The following TSEN2 variants were observed in gnomAD, a reference collection of about 807,000 sequenced individuals.
TSEN2 encodes tRNA-splicing endonuclease subunit Sen2.
In TSEN2, 54 loss-of-function variants were observed where a neutral mutation model predicts 59.2. The ratio of observed to expected loss-of-function variants is 0.91; its 90% confidence interval spans 0.73 to 1.14. The LOEUF (loss-of-function observed/expected upper bound fraction) is 1.14. TSEN2 is among the 50% of genes most tolerant of loss of function. The probability of loss-of-function intolerance (pLI) is 0.00; values close to 1 mark genes in which losing one functional copy is unlikely to be tolerated. For missense variants in TSEN2, 636 were observed against 576.2 expected (o/e 1.10, Z -1.06); for synonymous variants, 195 against 198.2 (o/e 0.98, Z 0.14).
chr3:12,533,959 G>A (rs953319159), downstream of TSEN2, among the ~76,000 whole-genome samples: 2 of 152,216 alleles, frequency 1.3e-5, no homozygotes, highest in Admixed American at 1.3e-4. Flanking sequence ...TGTGAATTCA[G>A]GAGGAGGGAC....
chr3:12,492,242 C>T lies in TSEN2; in HGVS notation c.271+25C>T, dbSNP rs780028591. On this transcript the variant is annotated intron_variant, in intron 3 of 11. Transcript: ENST00000284995. The stretch of plus-strand genomic sequence containing the variant: ...GGTAAAGTTGTTGTATCATTCAGTT[C>T]TTTTGACAAATTAATCATTTTCCTT... 4 of 1,574,206 alleles carry T rather than the reference C, an allele frequency of 2.5e-6. No homozygotes were observed. The African/African-American group carries it at 5.4e-5, about 21-fold the overall frequency.
chr3:12,516,239 A>C (rs537676800), intron 6 of TSEN2, among the ~76,000 whole-genome samples: 1 of 151,948 alleles, frequency 6.6e-6, no homozygotes, highest in Non-Finnish European at 1.5e-5. Context: ...CCTGGCTAAC[A>C]CTGTGAAACC....
In TSEN2 at chr3:12,506,977, G is replaced by A. The variant is rs955886859; in HGVS notation, c.909+1746G>A. ...TGGGAGGCCGAGGCGGGTGGATCAC[G>A]AGGTCAGGAGATCGAGACCATCCTG... On this transcript the variant is annotated intron_variant, in intron 6 of 11. Transcript: ENST00000284995. 1.4e-5 allele frequency: 6 copies of A among 438,218 alleles called. No homozygotes were observed. The Admixed American group carries it at 1.9e-4, about 14-fold the overall frequency. 27.1% of individuals were successfully genotyped at this position (438,218 alleles called of 1,614,324 possible).
At chr3:12,509,192 G>GTTTT (rs201280063) in intron 6 of TSEN2, among the ~76,000 whole-genome samples, 5 of 136,544 alleles carry the variant, frequency 3.7e-5, no homozygotes, top group South Asian at 2.2e-4. Context: ...GTTTTTTTTG[G>GTTTT]TTTTTTTTGT....
At chr3:12,506,961 G>A (rs953904745) in intron 6 of TSEN2, 54 of 599,138 alleles carry the variant, frequency 9.0e-5, no homozygotes, top group Non-Finnish European at 1.0e-4. Context: ...TTGGGAGGCC[G>A]AGGCGGGTGG....
intron 7 of TSEN2, among the ~76,000 whole-genome samples, chr3:12,518,272 T>C (rs1189770689): frequency 6.6e-6 from 1 of 152,238 alleles, no homozygotes; most frequent in African/African-American, 2.4e-5. Context: ...TTTGTTTGTT[T>C]GTTTTTAAGT....
chr3:12,515,183 A>T (rs2055932051), intron 6 of TSEN2, among the ~76,000 whole-genome samples: 1 of 152,222 alleles, frequency 6.6e-6, no homozygotes, highest in Non-Finnish European at 1.5e-5. Context: ...AGAGAATGAC[A>T]GGGTATTCAC....
intron 8 of TSEN2, among the ~76,000 whole-genome samples, chr3:12,521,412 A>T (rs1296548801): frequency 6.6e-6 from 1 of 152,206 alleles, no homozygotes; most frequent in Admixed American, 6.5e-5. Context: ...GGTCAACTGT[A>T]GTCAAAAAGA....
At chr3:12,492,480 C>A (rs1157656967) in intron 3 of TSEN2, among the ~76,000 whole-genome samples, 3 of 152,210 alleles carry the variant, frequency 2.0e-5, no homozygotes, top group African/African-American at 7.2e-5. Context: ...ATGCCTATGG[C>A]AGGTACTGGT....
At chr3:12,519,612 A>G (rs2633441) in intron 8 of TSEN2, among the ~76,000 whole-genome samples, 82,368 of 151,900 alleles carry the variant, frequency 0.54, 23,985 homozygotes, top group African/African-American at 0.75. Context: ...TGGGCGTGGT[A>G]GCGGGTGTCT....
At chr3:12,535,043 T>G (rs550996610), downstream of TSEN2, among the ~76,000 whole-genome samples, 1 of 152,270 alleles carries the variant, frequency 6.6e-6, no homozygotes, top group East Asian at 1.9e-4. Flanking sequence ...TTAAAAAAAT[T>G]TGTCTTAATC....
intron 8 of TSEN2, among the ~76,000 whole-genome samples, chr3:12,519,439 C>T (rs2056434119): frequency 6.6e-6 from 1 of 152,172 alleles, no homozygotes; most frequent in African/African-American, 2.4e-5. Context: ...CTCTTGTTTG[C>T]TCTATGATCT....
At chr3:12,526,736 TC>T (rs1382644153) in intron 8 of TSEN2, among the ~76,000 whole-genome samples, 12 of 152,224 alleles carry the variant, frequency 7.9e-5, no homozygotes, top group Admixed American at 7.9e-4. Context: ...TAAAGAGTTG[TC>T]CCATGGTCTT....
At chr3:12,500,236 G>C (rs2054162354) in intron 4 of TSEN2, among the ~76,000 whole-genome samples, 1 of 152,232 alleles carries the variant, frequency 6.6e-6, no homozygotes, top group Non-Finnish European at 1.5e-5. Flanking sequence ...TTTTTAAGGT[G>C]TTGCCAGCCA....
chr3:12,515,390 C>G (rs2055958541), intron 6 of TSEN2, among the ~76,000 whole-genome samples: 1 of 152,196 alleles, frequency 6.6e-6, no homozygotes, highest in South Asian at 2.1e-4. Context: ...AAGAGGGGCC[C>G]TCCTCGTCTG....
At chr3:12,481,897 A>ATGTGTGTGTG (rs151178256), upstream of TSEN2, among the ~76,000 whole-genome samples, 2,452 of 150,088 alleles carry the variant, frequency 0.016, 42 homozygotes, top group African/African-American at 0.044. Context: ...CAGTTGATAT[A>ATGTGTGTGTG]TGTGTGTGTG....
rs2052394075 is a variant in TSEN2, at chr3:12,484,592, C to T, written c.-306C>T. 2 of 152,364 alleles carry T rather than the reference C, an allele frequency of 1.3e-5. No homozygotes were observed. The highest frequency in any genetic ancestry group is 2.9e-5 in the Non-Finnish European group (2 of 68,132). 9.4% of individuals were successfully genotyped at this position (152,364 alleles called of 1,614,324 possible). ...TGCAGCGAAAGGAAATCTCGCTCTT[C>T]CGAAAGTCCTCCAGGGCGAGAGAGG... On this transcript the variant is annotated 5_prime_UTR_variant, in exon 1 of 12. Coordinates refer to ENST00000284995, the MANE Select transcript of TSEN2 (RefSeq NM_025265.4).
At chr3:12,498,082 T>C (rs889759507) in intron 4 of TSEN2, among the ~76,000 whole-genome samples, 1 of 151,668 alleles carries the variant, frequency 6.6e-6, no homozygotes, top group Admixed American at 6.6e-5. Context: ...TTTTTTTTTT[T>C]GCATTAAAAA....
intron 3 of TSEN2, among the ~76,000 whole-genome samples, chr3:12,493,528 A>G (rs1029794368): frequency 7.2e-5 from 11 of 152,218 alleles, no homozygotes; most frequent in African/African-American, 1.9e-4. Flanking sequence ...GGAGTTCGAG[A>G]CTAGCCTGAC....
Sources: allele counts gnomAD v4.1 joint callset (sites outside exome capture counted in the v4.1 genomes callset), GRCh38; gene constraint gnomAD v4.1.1; transcripts MANE v1.5; gene names NCBI Gene and HGNC (gene_info 2026-07-23, HGNC 2026-07-21).